Variants in PIK3CA observed in about 807,000 individuals in gnomAD.
PIK3CA encodes the protein phosphatidylinositol-4,5-bisphosphate 3-kinase catalytic subunit alpha.
Under a neutral mutation model 138.2 loss-of-function variants are expected in PIK3CA, and 27 were observed. That is an observed-to-expected ratio of 0.20 (90% CI 0.14 to 0.27). PIK3CA has a LOEUF of 0.27. PIK3CA is among the 10% of genes least tolerant of loss of function. PIK3CA has a pLI of 1.00. For missense variants in PIK3CA, 544 were observed against 1,277.4 expected (o/e 0.43, Z 8.75); for synonymous variants, 358 against 413.2 (o/e 0.87, Z 1.62).
intron 1 of PIK3CA, among the ~76,000 whole-genome samples, chr3:179,149,204 AGCTGAGACAAAC>A: frequency 6.6e-6 from 1 of 151,844 alleles, no homozygotes; most frequent in Non-Finnish European, 1.5e-5. Context: ...TTTTCCTTTT[AGCTGAGACAAAC>A]GCTTAGATCT....
intron 14 of PIK3CA, among the ~76,000 whole-genome samples, chr3:179,222,650 T>C (rs894298028): frequency 6.6e-6 from 1 of 152,178 alleles, no homozygotes; most frequent in Admixed American, 6.6e-5. Context: ...TATTGGTCGT[T>C]TACCCTCATG....
rs1724907413 is a variant in PIK3CA, at chr3:179,219,124, G to C, written c.1665-72G>C. The C allele has an allele frequency of 2.4e-6, 2 of 837,580 alleles. No individual in the cohort carries two copies. Among genetic ancestry groups the C allele is most frequent in the South Asian group, 3.3e-5 (2 of 61,110 alleles). The allele number at this position is 837,580 out of a possible 1,614,324, so 51.9% of individuals were successfully genotyped here. ...GGGACTTCTTAAGAAGATTCATATGGAGAAGTTAGACATGTCAACCTTTTG... is the reference window on the plus strand; with the variant it reads ...GGGACTTCTTAAGAAGATTCATATGCAGAAGTTAGACATGTCAACCTTTTG... On this transcript the variant is annotated intron_variant, in intron 10 of 20. Transcript: ENST00000263967. This position sits in a 1 kb window ranked among gnomAD's most constrained non-coding sequence, Gnocchi z 4.2.
chr3:179,153,512 T>C (rs1723062155), intron 1 of PIK3CA, among the ~76,000 whole-genome samples: 1 of 152,210 alleles, frequency 6.6e-6, no homozygotes, highest in South Asian at 2.1e-4. Flanking sequence ...TTATTTAAAA[T>C]ACTGTATTAA....
Position 179,239,697 on chromosome 3 carries a change from G to T in PIK3CA, c.*5333G>T. The T allele has an allele frequency of 3.0e-6, 1 of 329,728 alleles. No individual in the cohort carries two copies. Among genetic ancestry groups the T allele is most frequent in the South Asian group, 9.5e-5 (1 of 10,500 alleles). 20.4% of individuals were successfully genotyped at this position (329,728 alleles called of 1,614,324 possible). ...ACTACCAAAAGAAGACTACTAACAC[G>T]TCAGATGTTCACCTGGAAGCTTTAT... On this transcript the variant is annotated 3_prime_UTR_variant, in exon 21 of 21. Transcript: ENST00000263967.
intron 4 of PIK3CA, among the ~76,000 whole-genome samples, chr3:179,201,952 A>G (rs1724422624): frequency 6.6e-6 from 1 of 152,010 alleles, no homozygotes; most frequent in Non-Finnish European, 1.5e-5. Context: ...ATATTAGTAA[A>G]TAGCGTTTGT....
chr3:179,184,219 C>A (rs184769362), intron 1 of PIK3CA, among the ~76,000 whole-genome samples: 21 of 152,204 alleles, frequency 1.4e-4, no homozygotes, highest in Admixed American at 2.0e-4. Context: ...TCTCCTTAGC[C>A]TATAAGTATT....
chr3:179,201,827 T>G (rs1169748833), intron 4 of PIK3CA, among the ~76,000 whole-genome samples: 3 of 152,068 alleles, frequency 2.0e-5, no homozygotes, highest in Admixed American at 1.3e-4. Flanking sequence ...AGGATAGTCT[T>G]GATCTCCTGA....
chr3:179,172,326 G>A (rs1469367259), intron 1 of PIK3CA, among the ~76,000 whole-genome samples: 2 of 152,068 alleles, frequency 1.3e-5, no homozygotes. Flanking sequence ...GAAGAACAAG[G>A]CAAGGATGTT....
chr3:179,198,229 T>C (rs1223804624), intron 1 of PIK3CA, among the ~76,000 whole-genome samples: 2 of 152,150 alleles, frequency 1.3e-5, no homozygotes, highest in African/African-American at 4.8e-5. Context: ...GACTAAGCCA[T>C]AAAATTTCTC....
Position 179,148,426 on chromosome 3 carries a change from T to TGGGGCC in PIK3CA, c.-252_-247dup, listed in dbSNP as rs1015018950. ...CTGCCGCGGCCGCTGGGACTGGGGCTGGGGCCGCCGGCGAGGCAGGGCTCG... is the reference window on the plus strand; with the variant it reads ...CTGCCGCGGCCGCTGGGACTGGGGCTGGGGCCGGGGCCGCCGGCGAGGCAGGGCTCG... On this transcript the variant is annotated 5_prime_UTR_variant, in exon 1 of 21. Transcript: ENST00000263967. The TGGGGCC allele has an allele frequency of 6.8e-6, 1 of 146,174 alleles. No individual in the cohort carries two copies. Among genetic ancestry groups the TGGGGCC allele is most frequent in the African/African-American group, 2.5e-5 (1 of 39,298 alleles). 9.1% of individuals were successfully genotyped at this position (146,174 alleles called of 1,614,324 possible).
chr3:179,172,489 A>G (rs1723582955), intron 1 of PIK3CA, among the ~76,000 whole-genome samples: 1 of 139,812 alleles, frequency 7.2e-6, no homozygotes, highest in Non-Finnish European at 1.5e-5. Context: ...ATCTACCAAA[A>G]AGAAAAAAAA....
At chr3:179,226,754 T>C (rs1414088425) in intron 17 of PIK3CA, among the ~76,000 whole-genome samples, 2 of 152,090 alleles carry the variant, frequency 1.3e-5, no homozygotes, top group Non-Finnish European at 2.9e-5. Context: ...GTAGCTAGTA[T>C]ACAAAAATGT....
chr3:179,189,529 A>T (rs1370192069), intron 1 of PIK3CA, among the ~76,000 whole-genome samples: 1 of 152,298 alleles, frequency 6.6e-6, no homozygotes, highest in Admixed American at 6.5e-5. Flanking sequence ...ACATTTACTG[A>T]TAATCAGAAG....
chr3:179,183,667 A>C (rs919836261), intron 1 of PIK3CA, among the ~76,000 whole-genome samples: 1 of 152,242 alleles, frequency 6.6e-6, no homozygotes, highest in Non-Finnish European at 1.5e-5. Flanking sequence ...AGGAAAGAAT[A>C]AGAGATTACT....
chr3:179,226,644 C>T (rs1462733044), intron 17 of PIK3CA, among the ~76,000 whole-genome samples: 1 of 152,062 alleles, frequency 6.6e-6, no homozygotes, highest in Non-Finnish European at 1.5e-5. Context: ...TATAAGTGGA[C>T]ATAGAGTCAA....
chr3:179,227,566 T>A (rs1248770369), intron 17 of PIK3CA, among the ~76,000 whole-genome samples: 1 of 152,032 alleles, frequency 6.6e-6, no homozygotes, highest in Admixed American at 6.6e-5. Context: ...GAAAAAGCAC[T>A]TGGATTTAGT....
chr3:179,186,509 C>CT (rs1723985355), intron 1 of PIK3CA, among the ~76,000 whole-genome samples: 2 of 152,116 alleles, frequency 1.3e-5, no homozygotes, highest in African/African-American at 4.8e-5. Flanking sequence ...CCCTTTTATA[C>CT]TTTTTTCTTT....
At chr3:179,182,438 C>G (rs1195959158) in intron 1 of PIK3CA, among the ~76,000 whole-genome samples, 1 of 152,010 alleles carries the variant, frequency 6.6e-6, no homozygotes, top group Non-Finnish European at 1.5e-5. Context: ...AAGTCAGAGG[C>G]AGAAAGATCA....
chr3:179,232,964 T>C (rs1338950450), intron 20 of PIK3CA, among the ~76,000 whole-genome samples: 1 of 152,052 alleles, frequency 6.6e-6, no homozygotes, highest in Non-Finnish European at 1.5e-5. Flanking sequence ...TTTAAGCAAT[T>C]CTCCTGCCTC....
Sources: allele counts gnomAD v4.1 joint callset (sites outside exome capture counted in the v4.1 genomes callset), GRCh38; gene constraint gnomAD v4.1.1; non-coding constraint Gnocchi (gnomAD v3.1); transcripts MANE v1.5; gene names NCBI Gene and HGNC (gene_info 2026-07-23, HGNC 2026-07-21).